The following VAV2 variants were observed in gnomAD, a reference collection of about 807,000 sequenced individuals.
VAV2 encodes guanine nucleotide exchange factor VAV2.
Under a neutral mutation model 132.5 loss-of-function variants are expected in VAV2, and 67 were observed. The ratio of observed to expected loss-of-function variants is 0.51; its 90% confidence interval spans 0.42 to 0.62. The LOEUF (loss-of-function observed/expected upper bound fraction) is 0.62. VAV2 is among the 20% of genes least tolerant of loss of function. The pLI, the probability that VAV2 is intolerant of heterozygous loss-of-function variation, is 0.00. For synonymous variants in VAV2, 492 were observed against 443.5 expected (o/e 1.11, Z -1.37); for missense variants, 938 against 1,153.6 (o/e 0.81, Z 2.71).
At chr9:133,909,771 G>A (rs765484398) in intron 2 of VAV2, among the ~76,000 whole-genome samples, 1 of 152,184 alleles carries the variant, frequency 6.6e-6, no homozygotes, top group Non-Finnish European at 1.5e-5. Flanking sequence ...TGGAAACTGC[G>A]CCTGAGGATT....
chr9:133,970,610 C>A (rs1842299704), intron 1 of VAV2, among the ~76,000 whole-genome samples: 2 of 152,210 alleles, frequency 1.3e-5, no homozygotes, highest in South Asian at 4.1e-4. Context: ...CTTCCCTGGG[C>A]CCAGCCTTGC....
At chr9:133,874,898 T>C (rs1005674701) in intron 2 of VAV2, among the ~76,000 whole-genome samples, 2 of 152,130 alleles carry the variant, frequency 1.3e-5, no homozygotes, top group African/African-American at 2.4e-5. Flanking sequence ...CTGTGCATGG[T>C]CCGAGCTGCA....
intron 1 of VAV2, among the ~76,000 whole-genome samples, chr9:133,990,970 A>G (rs536064274): frequency 6.6e-6 from 1 of 152,216 alleles, no homozygotes; most frequent in Non-Finnish European, 1.5e-5. Flanking sequence ...CCGGTCTCCT[A>G]GGAAACGCAG....
At chr9:133,792,254 C>T (rs111216605) in intron 12 of VAV2, among the ~76,000 whole-genome samples, 42,254 of 109,252 alleles carry the variant, frequency 0.39, 7,531 homozygotes, top group South Asian at 0.46. Flanking sequence ...TGTGTATAAG[C>T]GGGCTGTACT....
Position 133,788,271 on chromosome 9 carries a change from T to G in VAV2, c.1407+83A>C. 11 of 1,090,818 alleles carry G rather than the reference T, an allele frequency of 1.0e-5. No individual in the cohort carries two copies. Among genetic ancestry groups the G allele is most frequent in the African/African-American group, 1.7e-5 (1 of 59,724 alleles). The allele number at this position is 1,090,818 out of a possible 1,614,324, so 67.6% of individuals were successfully genotyped here. A position where few individuals can be genotyped will look rare whatever the true frequency, so the allele number is the denominator to read the frequency against. On this transcript the variant is annotated intron_variant, in intron 15 of 29. Coordinates refer to ENST00000371850, the MANE Select transcript of VAV2 (RefSeq NM_001134398.2). The surrounding 1 kb of genome is among the most constrained non-coding windows in gnomAD (Gnocchi z 5.3). Reference sequence around the variant, plus strand: ...CATCAGCGGCTGACTTCGAGTCCCCTTCCCCTGGGGTCTGGAACCCAGTGC... The same window carrying G: ...CATCAGCGGCTGACTTCGAGTCCCCGTCCCCTGGGGTCTGGAACCCAGTGC...
chr9:133,939,466 T>C (rs1841053309), intron 1 of VAV2, among the ~76,000 whole-genome samples: 1 of 152,000 alleles, frequency 6.6e-6, no homozygotes. Flanking sequence ...TCCGAGGGTG[T>C]AGCCACCACC....
Position 133,769,544 on chromosome 9 carries a change from C to A in VAV2, c.2348-41G>T, listed in dbSNP as rs778654027. 5.7e-6 allele frequency: 9 copies of A among 1,576,372 alleles called. No homozygotes were observed. The South Asian group carries it at 9.2e-5, about 16-fold the overall frequency. The stretch of plus-strand genomic sequence containing the variant: ...AGAGAACGTGAGGCGGGCAGCAGGG[C>A]ATCCACGCACAGTCACGGTGGGCAC... On this transcript the variant is annotated intron_variant, in intron 27 of 29. Coordinates refer to ENST00000371850, the MANE Select transcript of VAV2 (RefSeq NM_001134398.2). The surrounding 1 kb of genome is among the most constrained non-coding windows in gnomAD (Gnocchi z 8.1).
At chr9:133,776,185 C>T (rs1326862852) in intron 23 of VAV2, 105 bp from the exon 24 acceptor site, 2 of 1,481,312 alleles carry the variant, frequency 1.4e-6, no homozygotes, top group Non-Finnish European at 1.8e-6. Context: ...CATTGGCTGC[C>T]CTGGAGGGGA....
At position 133,794,837 on chromosome 9, in the gene VAV2, A is replaced by G. The variant is rs1214482131; in HGVS notation, c.1101+831T>C. ...GGCTGGGAAGGAGATGGCACGAACAAGTGTGTCCAGGAGGAAGAGTGCCAC... is the reference window on the plus strand; with the variant it reads ...GGCTGGGAAGGAGATGGCACGAACAGGTGTGTCCAGGAGGAAGAGTGCCAC... On this transcript the variant is annotated intron_variant, in intron 12 of 29. Transcript: ENST00000371850. This position sits in a 1 kb window ranked among gnomAD's most constrained non-coding sequence, Gnocchi z 4.6. 6.6e-6 allele frequency among the ~76,000 whole-genome samples: 1 copy of G among 152,312 alleles called. No homozygotes were observed. The highest frequency in any genetic ancestry group is 2.4e-5 in the African/African-American group (1 of 41,566).
intron 4 of VAV2, among the ~76,000 whole-genome samples, chr9:133,814,220 C>A (rs1253204755): frequency 6.6e-6 from 1 of 152,174 alleles, no homozygotes; most frequent in Non-Finnish European, 1.5e-5. Flanking sequence ...CAGCCAGGTC[C>A]GGCGACTGCC....
chr9:133,989,550 T>G (rs981253244), intron 1 of VAV2, among the ~76,000 whole-genome samples: 8 of 129,178 alleles, frequency 6.2e-5, no homozygotes, highest in Admixed American at 1.7e-4. Context: ...CTGGGCGTGG[T>G]GGAGCGTGCC....
chr9:133,784,549 C>G, intron 17 of VAV2, 131 bp from the exon 18 acceptor site: 1 of 944,024 alleles, frequency 1.1e-6, no homozygotes, highest in Admixed American at 1.9e-5. Context: ...GACTCCAAGC[C>G]TGGCTCTGCC....
At chr9:133,831,251 C>A (rs1436993084) in intron 4 of VAV2, among the ~76,000 whole-genome samples, 2 of 152,110 alleles carry the variant, frequency 1.3e-5, no homozygotes, top group Non-Finnish European at 2.9e-5. Flanking sequence ...GCCTGGCCAA[C>A]ACGGTGAAAC....
chr9:133,766,351 C>T (rs145825861), intron 29 of VAV2, among the ~76,000 whole-genome samples: 44 of 152,304 alleles, frequency 2.9e-4, no homozygotes, highest in African/African-American at 7.5e-4. Flanking sequence ...CTACTCACAA[C>T]AGCAAAGACT....
At position 133,796,483 on chromosome 9, in the gene VAV2, T is replaced by C; in HGVS notation, c.978A>G (p.Gln326=). 1 of 1,613,840 alleles carries C rather than the reference T, an allele frequency of 6.2e-7. No homozygotes were observed. Among genetic ancestry groups the C allele is most frequent in the Non-Finnish European group, 8.5e-7 (1 of 1,179,948 alleles). ...TCTGCATGGGGACCACCAGCAGGTC[T>C]TGCAGCTTAAATTTTCCATCCTGGA... is the stretch of plus-strand genomic sequence containing the variant. ...LKVQDGKFKL[Q]DLLVVPMQRV... Residue 326 remains glutamine, a synonymous_variant, in exon 11 of 30, where the codon CAA becomes CAG. Transcript: ENST00000371850.
intron 2 of VAV2, among the ~76,000 whole-genome samples, chr9:133,938,061 C>T (rs1205291370): frequency 3.9e-5 from 6 of 152,238 alleles, no homozygotes; most frequent in East Asian, 1.9e-4. Context: ...TCTCAGCATG[C>T]GCCACTGCAA....
intron 4 of VAV2, among the ~76,000 whole-genome samples, chr9:133,821,970 G>T (rs564901247): frequency 6.6e-6 from 1 of 152,110 alleles, no homozygotes; most frequent in Admixed American, 6.5e-5. Flanking sequence ...CATTATTTTT[G>T]TCCTCACAAT....
At chr9:133,911,305 G>A (rs916633355) in intron 2 of VAV2, among the ~76,000 whole-genome samples, 3 of 152,180 alleles carry the variant, frequency 2.0e-5, no homozygotes, top group African/African-American at 7.2e-5. Flanking sequence ...AGAGAGAAAC[G>A]CCGTGTCTGT....
At chr9:133,859,691 G>A (rs1450266349) in intron 3 of VAV2, among the ~76,000 whole-genome samples, 2 of 151,394 alleles carry the variant, frequency 1.3e-5, no homozygotes, top group African/African-American at 4.8e-5. Flanking sequence ...TGACAGTACT[G>A]TATTGTCATG....
Sources: gnomAD v4.1 joint callset for allele counts (sites outside exome capture counted in the v4.1 genomes callset) on GRCh38, gnomAD v4.1.1 for gene constraint, Gnocchi (gnomAD v3.1) non-coding constraint, MANE v1.5 for transcripts, NCBI Gene and HGNC (gene_info 2026-07-23, HGNC 2026-07-21) for gene names.